The following FGF1 variants were observed in gnomAD, a reference collection of about 807,000 sequenced individuals.
FGF1 encodes fibroblast growth factor 1, also known as beta-endothelial cell growth factor.
A neutral mutation model predicts 13.4 loss-of-function variants in FGF1; 9 were observed. The ratio of observed to expected loss-of-function variants is 0.67; its 90% CI spans 0.40 to 1.17. The LOEUF (loss-of-function observed/expected upper bound fraction) is 1.17. Among genes scored for constraint, FGF1 ranks in the 50% most tolerant of loss-of-function variants. The pLI is 0.01. For missense variants in FGF1, 156 were observed against 192.7 expected (o/e 0.81, Z 1.13); for synonymous variants, 93 against 79.0 (o/e 1.18, Z -0.94).
Position 142,651,866 on chromosome 5 carries a change from T to C in FGF1, c.-35+34091A>G, listed in dbSNP as rs79590031. 4.1e-3 allele frequency among the ~76,000 whole-genome samples: 615 copies of C among 151,562 alleles called. 9 individuals carry two copies. The highest frequency in any genetic ancestry group is 0.036 in the East Asian group (186 of 5,136). On this transcript the variant is annotated intron_variant, in intron 1 of 3. Transcript: ENST00000337706. ...TTTTGTGCTGAATAATATTCCACCA[T>C]GTGGACACTTAACCTCTTTCCAGCC...
At chr5:142,691,106 TCA>T (rs1468214332) in intron 2 of FGF1, among the ~76,000 whole-genome samples, 1 of 152,158 alleles carries the variant, frequency 6.6e-6, no homozygotes, top group Non-Finnish European at 1.5e-5. Context: ...TACTACTTTC[TCA>T]AAATTATTGT....
At chr5:142,667,242 C>A (rs953695302) in intron 1 of FGF1, among the ~76,000 whole-genome samples, 6 of 151,496 alleles carry the variant, frequency 4.0e-5, no homozygotes, top group African/African-American at 1.5e-4. Context: ...TGAGATCATG[C>A]CACTGTACTC....
intron 1 of FGF1, among the ~76,000 whole-genome samples, chr5:142,635,610 T>G (rs556171642): frequency 6.6e-6 from 1 of 152,344 alleles, no homozygotes; most frequent in Non-Finnish European, 1.5e-5. Flanking sequence ...CCAAGCTGCA[T>G]CTTGTGTTAC....
chr5:142,673,242 T>C (rs564266803), intron 1 of FGF1, among the ~76,000 whole-genome samples: 1 of 152,154 alleles, frequency 6.6e-6, no homozygotes, highest in South Asian at 2.1e-4. Flanking sequence ...TCTATCAGAG[T>C]TGAGAATTTG....
At chr5:142,633,492 G>C (rs1291654065) in intron 1 of FGF1, among the ~76,000 whole-genome samples, 1 of 152,148 alleles carries the variant, frequency 6.6e-6, no homozygotes, top group Non-Finnish European at 1.5e-5. Context: ...AAATCTCCTT[G>C]TAAAAAAGAG....
chr5:142,660,095 G>A (rs1674049590), intron 1 of FGF1, among the ~76,000 whole-genome samples: 1 of 152,248 alleles, frequency 6.6e-6, no homozygotes. Context: ...CATGACTGTG[G>A]TTTCTCTTAA....
intron 1 of FGF1, chr5:142,680,797 C>T (rs950864787): frequency 3.9e-5 from 6 of 152,282 alleles, no homozygotes; most frequent in Admixed American, 3.3e-4. Context: ...CTCATAGTCA[C>T]AACGAGAAAG....
chr5:142,620,953 A>G (rs1761464579), intron 1 of FGF1, among the ~76,000 whole-genome samples: 1 of 152,174 alleles, frequency 6.6e-6, no homozygotes, highest in Non-Finnish European at 1.5e-5. Context: ...TTTCAGTTTT[A>G]CCTTTTTAGT....
chr5:142,619,991 A>C (rs1403212593), intron 1 of FGF1, among the ~76,000 whole-genome samples: 3 of 152,162 alleles, frequency 2.0e-5, no homozygotes, highest in Non-Finnish European at 4.4e-5. Context: ...AAATGTGCTA[A>C]ATTTACTAGC....
chr5:142,592,674 TAAG>T lies in FGF1; in HGVS notation c.*2613_*2615del. 2 of 382,974 alleles carry T rather than the reference TAAG, an allele frequency of 5.2e-6. No homozygotes were observed. Among genetic ancestry groups the T allele is most frequent in the Non-Finnish European group, 9.2e-6 (2 of 216,520 alleles). The allele number at this position is 382,974 out of a possible 1,614,324, so 23.7% of individuals were successfully genotyped here. ...CAGGGAACTACCAACCTCTTCCTTCTAAGAAGATCTGACAGGCTCTTTGGCTGA... is the reference window on the plus strand; with the variant it reads ...CAGGGAACTACCAACCTCTTCCTTCTAAGATCTGACAGGCTCTTTGGCTGA... On this transcript the variant is annotated 3_prime_UTR_variant, in exon 4 of 4. Coordinates refer to ENST00000337706, the MANE Select transcript of FGF1 (RefSeq NM_000800.5).
intron 1 of FGF1, 76 bp from the exon 2 acceptor site, chr5:142,614,237 A>G: frequency 8.4e-7 from 1 of 1,185,646 alleles, no homozygotes; most frequent in Non-Finnish European, 1.2e-6. Flanking sequence ...GAGGAAGGAC[A>G]GCTCCAGGGC....
chr5:142,668,119 T>A (rs1453008940), intron 1 of FGF1, among the ~76,000 whole-genome samples: 1 of 152,206 alleles, frequency 6.6e-6, no homozygotes, highest in Non-Finnish European at 1.5e-5. Context: ...AGAAGGAATT[T>A]CCCTTGTTAA....
At chr5:142,641,572 T>C (rs1027147619) in intron 1 of FGF1, among the ~76,000 whole-genome samples, 1 of 152,036 alleles carries the variant, frequency 6.6e-6, no homozygotes, top group African/African-American at 2.4e-5. Context: ...CCACAGATGG[T>C]CATTGTAAAG....
At chr5:142,658,854 C>A (rs1029374627) in intron 1 of FGF1, among the ~76,000 whole-genome samples, 2 of 152,148 alleles carry the variant, frequency 1.3e-5, no homozygotes, top group African/African-American at 4.8e-5. Context: ...CTGCCGTGAT[C>A]ATGAACTCTT....
intron 2 of FGF1, among the ~76,000 whole-genome samples, chr5:142,694,348 T>C (rs1431724618): frequency 2.6e-5 from 4 of 152,136 alleles, no homozygotes; most frequent in African/African-American, 9.7e-5. Context: ...TCTTTCACAC[T>C]GCCACAGGAT....
upstream of FGF1, among the ~76,000 whole-genome samples, chr5:142,686,824 G>A (rs1294042609): frequency 6.6e-6 from 1 of 152,198 alleles, no homozygotes; most frequent in Non-Finnish European, 1.5e-5. Context: ...CACTGTTCAA[G>A]CCTGTCCCCG....
chr5:142,649,506 A>G (rs1447899814), intron 1 of FGF1, among the ~76,000 whole-genome samples: 4 of 151,824 alleles, frequency 2.6e-5, no homozygotes, highest in African/African-American at 9.7e-5. Context: ...TCCCGGGTTC[A>G]CGCCATTCTC....
At chr5:142,696,567 CTG>C (rs1241655075) in intron 2 of FGF1, among the ~76,000 whole-genome samples, 4 of 152,176 alleles carry the variant, frequency 2.6e-5, no homozygotes, top group Non-Finnish European at 4.4e-5. Context: ...CTGGGAGGTG[CTG>C]CAGCCATGTG....
In FGF1 at chr5:142,596,606, G is replaced by T. The variant is rs534127839; in HGVS notation, c.274-1122C>A. On this transcript the variant is annotated intron_variant, in intron 3 of 3. Transcript: ENST00000337706. The stretch of plus-strand genomic sequence containing the variant: ...ATTTTTTTTTTTTAATTAGCTAGGT[G>T]CCATGGTGTGTGCCTGTCCTCCTAG... Among the ~76,000 whole-genome samples the T allele has an allele frequency of 2.3e-4, 35 of 151,200 alleles. No homozygotes were observed. The South Asian group carries it at 7.2e-3, about 31-fold the overall frequency.
Sources: gnomAD v4.1 joint callset for allele counts (sites outside exome capture counted in the v4.1 genomes callset) on GRCh38, gnomAD v4.1.1 for gene constraint, MANE v1.5 for transcripts, NCBI Gene and HGNC (gene_info 2026-07-23, HGNC 2026-07-21) for gene names.